GABRR3: variants seen among roughly 807,000 people sequenced by gnomAD.
The protein encoded by GABRR3 is gamma-aminobutyric acid receptor subunit rho-3.
Under a neutral mutation model 43.2 loss-of-function variants are expected in GABRR3, and 29 were observed. That is an observed-to-expected ratio of 0.67 (90% CI 0.50 to 0.92). The LOEUF (loss-of-function observed/expected upper bound fraction) is 0.92. GABRR3 is among the 40% of genes least tolerant of loss of function. GABRR3 has a pLI of 0.00. For synonymous variants in GABRR3, 206 were observed against 195.9 expected (o/e 1.05, Z -0.43); for missense variants, 576 against 572.3 (o/e 1.01, Z -0.07).
chr3:98,000,266 T>A (rs1170722785), intron 8 of GABRR3: 1 of 152,100 alleles, frequency 6.6e-6, no homozygotes, highest in East Asian at 1.9e-4. Context: ...ACTCCACCCT[T>A]CCATGGAAGT....
intron 9 of GABRR3, 112 bp from the exon 10 acceptor site, chr3:97,987,094 CCAAT>C: frequency 2.8e-6 from 2 of 707,538 alleles, no homozygotes; most frequent in Non-Finnish European, 4.5e-6. Context: ...GCAAGATAGG[CCAAT>C]TGGATTTGTT....
intron 9 of GABRR3, 125 bp downstream of exon 9, chr3:97,992,727 A>G (rs1706486946): frequency 2.2e-5 from 18 of 810,822 alleles, no homozygotes; most frequent in Non-Finnish European, 3.2e-5. Flanking sequence ...CATACTGTCA[A>G]CTTGCCTCTT....
chr3:98,028,531 CAAT>C (rs1164062563), intron 2 of GABRR3, among the ~76,000 whole-genome samples: 1 of 152,134 alleles, frequency 6.6e-6, no homozygotes, highest in Non-Finnish European at 1.5e-5. Flanking sequence ...ATCTCAACAA[CAAT>C]ATTTGTAATG....
intron 2 of GABRR3, among the ~76,000 whole-genome samples, chr3:98,030,798 G>A (rs1255179954): frequency 6.6e-6 from 1 of 152,106 alleles, no homozygotes; most frequent in Non-Finnish European, 1.5e-5. Context: ...TCAGCTAACT[G>A]TTCCAAATAA....
intron 2 of GABRR3, among the ~76,000 whole-genome samples, chr3:98,034,202 C>G (rs1707124103): frequency 6.6e-6 from 1 of 152,012 alleles, no homozygotes; most frequent in African/African-American, 2.4e-5. Context: ...TCCAGTATGC[C>G]TGGGGCTGAA....
chr3:98,005,962 C>T (rs936906373), intron 7 of GABRR3, among the ~76,000 whole-genome samples: 2 of 151,962 alleles, frequency 1.3e-5, no homozygotes, highest in African/African-American at 2.4e-5. Flanking sequence ...AATGAAAACA[C>T]ATCCTATAAA....
intron 9 of GABRR3, among the ~76,000 whole-genome samples, chr3:97,990,178 T>C (rs1432215743): frequency 6.6e-6 from 1 of 152,164 alleles, no homozygotes; most frequent in Admixed American, 6.5e-5. Flanking sequence ...GCACTTTATA[T>C]TTGCAAAGTT....
At chr3:98,016,253 A>G (rs1706872071) in intron 4 of GABRR3, among the ~76,000 whole-genome samples, 1 of 152,178 alleles carries the variant, frequency 6.6e-6, no homozygotes, top group African/African-American at 2.4e-5. Flanking sequence ...TCCTTCAGGA[A>G]TAGCTTGGAG....
chr3:98,023,252 C>T (rs190856576), intron 3 of GABRR3, among the ~76,000 whole-genome samples: 45 of 152,298 alleles, frequency 3.0e-4, no homozygotes, highest in Middle Eastern at 6.8e-3. Flanking sequence ...CTTTACATGG[C>T]CTCAAATAAT....
At chr3:98,003,223 G>A (rs1206099122) in intron 7 of GABRR3, among the ~76,000 whole-genome samples, 3 of 152,104 alleles carry the variant, frequency 2.0e-5, no homozygotes, top group Admixed American at 2.0e-4. Context: ...TGGCTGTAGA[G>A]TACAATAACA....
At chr3:98,001,805 T>C in intron 7 of GABRR3, 38 bp from the exon 8 acceptor site, 3 of 1,610,714 alleles carry the variant, frequency 1.9e-6, no homozygotes, top group Non-Finnish European at 2.5e-6. Context: ...AGAGCAAGCT[T>C]CCCCTTAGAA....
chr3:98,018,201 A>T (rs1004540188), intron 3 of GABRR3, among the ~76,000 whole-genome samples: 3 of 152,156 alleles, frequency 2.0e-5, no homozygotes, highest in Admixed American at 2.0e-4. Flanking sequence ...CTCTGGTGTC[A>T]AAAATATCAG....
chr3:98,010,300 G>C (rs1451022506), intron 5 of GABRR3, among the ~76,000 whole-genome samples: 1 of 152,210 alleles, frequency 6.6e-6, no homozygotes, highest in East Asian at 1.9e-4. Flanking sequence ...GAGTTATGTG[G>C]ATGGCGCTTA....
At chr3:98,017,083 G>C (rs1323638591) in intron 4 of GABRR3, among the ~76,000 whole-genome samples, 1 of 152,158 alleles carries the variant, frequency 6.6e-6, no homozygotes, top group Non-Finnish European at 1.5e-5. Flanking sequence ...GGAAAATACA[G>C]ATGTTTCATT....
At chr3:98,017,598 A>G in intron 4 of GABRR3, 57 bp downstream of exon 4, 1 of 1,215,520 alleles carries the variant, frequency 8.2e-7, no homozygotes, top group Non-Finnish European at 1.2e-6. Flanking sequence ...AGTGATTTTG[A>G]CACTGCCGAG....
chr3:98,022,325 A>G (rs112204474), intron 3 of GABRR3, among the ~76,000 whole-genome samples: 71 of 152,372 alleles, frequency 4.7e-4, no homozygotes, highest in African/African-American at 1.7e-3. Flanking sequence ...ATAATGAGTC[A>G]ATTAATCTTC....
chr3:97,994,438 G>A (rs760098172), intron 8 of GABRR3, among the ~76,000 whole-genome samples: 1 of 152,188 alleles, frequency 6.6e-6, no homozygotes, highest in Non-Finnish European at 1.5e-5. Flanking sequence ...AAACCTAAAT[G>A]CTATTCCAGC....
chr3:97,994,266 G>C (rs1444507336), intron 8 of GABRR3, among the ~76,000 whole-genome samples: 1 of 152,184 alleles, frequency 6.6e-6, no homozygotes, highest in Non-Finnish European at 1.5e-5. Context: ...GCTCTCATCT[G>C]AGAGAGCCCC....
chr3:98,011,663 G>A (rs1706793684), intron 5 of GABRR3, among the ~76,000 whole-genome samples: 1 of 151,706 alleles, frequency 6.6e-6, no homozygotes. Flanking sequence ...CAGGAATTAG[G>A]ACATGGATAT....
Sources: gnomAD v4.1 joint callset for allele counts (sites outside exome capture counted in the v4.1 genomes callset) on GRCh38, gnomAD v4.1.1 for gene constraint, MANE v1.5 for transcripts, NCBI Gene and HGNC (gene_info 2026-07-23, HGNC 2026-07-21) for gene names.